The following LPGAT1 variants were observed in gnomAD, a reference collection of about 807,000 sequenced individuals.
LPGAT1 encodes the protein lysophosphatidylglycerol acyltransferase 1.
LPGAT1 carries 11 observed loss-of-function variants against 47.5 expected under a neutral mutation model. That is an observed-to-expected ratio of 0.23 (90% CI 0.15 to 0.38). LPGAT1 has a LOEUF of 0.38. Among genes scored for constraint, LPGAT1 ranks in the 10% least tolerant of loss-of-function variants. The pLI is 1.00. For synonymous variants in LPGAT1, 138 were observed against 144.2 expected, an observed-to-expected ratio of 0.96 and a Z score of 0.31; for missense variants, 293 against 439.0, an observed-to-expected ratio of 0.67 and a Z score of 2.97.
chr1:211,807,634 T>C (rs1191992646), intron 2 of LPGAT1, among the ~76,000 whole-genome samples: 1 of 152,104 alleles, frequency 6.6e-6, no homozygotes, highest in Non-Finnish European at 1.5e-5. Flanking sequence ...TTGACAAAGA[T>C]GTAAAGTCAC....
At chr1:211,756,522 C>T (rs1042357939) in intron 6 of LPGAT1, among the ~76,000 whole-genome samples, 49 of 152,122 alleles carry the variant, frequency 3.2e-4, no homozygotes, top group South Asian at 6.2e-4. Context: ...TTTGTAGAGA[C>T]GGGGTTTCCC....
At chr1:211,829,502 G>C in intron 1 of LPGAT1, 179 bp from the exon 2 acceptor site, 1 of 1,428,930 alleles carries the variant, frequency 7.0e-7, no homozygotes, top group Non-Finnish European at 9.1e-7. Flanking sequence ...CGAGGGAGGA[G>C]GAGCCGCACA....
intron 2 of LPGAT1, among the ~76,000 whole-genome samples, chr1:211,811,899 G>A (rs1660004121): frequency 1.3e-5 from 2 of 152,236 alleles, no homozygotes; most frequent in South Asian, 2.1e-4. Context: ...TGGAGGATAA[G>A]AGCATTCATG....
Position 211,774,132 on chromosome 1 carries a change from CTTTTT to C in LPGAT1, c.854+4781_854+4785del, listed in dbSNP as rs67342051. The stretch of plus-strand genomic sequence containing the variant: ...AAAGTGCTTTGTGTTTTTTAAAAGT[CTTTTT>C]TTTTTTTTTTTTTTTGAGACAGAGT... On this transcript the variant is annotated intron_variant, in intron 6 of 7. Coordinates refer to ENST00000366997, the MANE Select transcript of LPGAT1 (RefSeq NM_014873.3). Among the ~76,000 whole-genome samples the C allele has an allele frequency of 5.7e-4, 38 of 66,820 alleles. 1 individual carries two copies. Among genetic ancestry groups the C allele is most frequent in the Admixed American group, 1.6e-3 (6 of 3,734 alleles). The allele number at this position is 66,820 out of a possible 152,430, so 43.8% of individuals were successfully genotyped here. A position where few individuals can be genotyped will look rare whatever the true frequency, so the allele number is the denominator to read the frequency against.
intron 2 of LPGAT1, among the ~76,000 whole-genome samples, chr1:211,828,288 A>G (rs981274761): frequency 2.2e-4 from 33 of 152,222 alleles, no homozygotes; most frequent in Non-Finnish European, 7.3e-5. Flanking sequence ...AATCAAATAA[A>G]TACAATAAAC....
chr1:211,766,291 A>G (rs1657910463), intron 6 of LPGAT1, among the ~76,000 whole-genome samples: 1 of 152,144 alleles, frequency 6.6e-6, no homozygotes, highest in African/African-American at 2.4e-5. Context: ...CAGACAGCAG[A>G]CTGTGGGACT....
intron 2 of LPGAT1, among the ~76,000 whole-genome samples, chr1:211,820,514 G>C (rs1429966063): frequency 6.7e-6 from 1 of 149,264 alleles, no homozygotes; most frequent in Non-Finnish European, 1.5e-5. Context: ...ACAGGAATAG[G>C]GAAGCATGAA....
At chr1:211,794,596 G>A (rs918789133) in intron 2 of LPGAT1, among the ~76,000 whole-genome samples, 2 of 152,156 alleles carry the variant, frequency 1.3e-5, no homozygotes, top group African/African-American at 4.8e-5. Flanking sequence ...ATGAGCCACT[G>A]CACTCGGCCA....
At chr1:211,809,771 T>G (rs967885441) in intron 2 of LPGAT1, among the ~76,000 whole-genome samples, 1 of 152,234 alleles carries the variant, frequency 6.6e-6, no homozygotes, top group African/African-American at 2.4e-5. Context: ...CCCAGCCATG[T>G]GGAACTGTGA....
At position 211,830,241 on chromosome 1, in the gene LPGAT1, G is replaced by A; in HGVS notation, c.-28+332C>T. The A allele has an allele frequency of 2.0e-6, 2 of 988,264 alleles. No homozygotes were observed. The highest frequency in any genetic ancestry group is 4.7e-5 in the South Asian group (1 of 21,396). 61.2% of individuals were successfully genotyped at this position (988,264 alleles called of 1,614,324 possible). A position where few individuals can be genotyped will look rare whatever the true frequency, so the allele number is the denominator to read the frequency against. On this transcript the variant is annotated intron_variant, in intron 1 of 7. Transcript: ENST00000366997. This position sits in a 1 kb window ranked among gnomAD's most constrained non-coding sequence, Gnocchi z 5.9. ...AGCGGGGGCGGGTGTCCCCCGCCGA[G>A]GGGTCGCGGTCATGGACGCGGTGGC...
intron 2 of LPGAT1, among the ~76,000 whole-genome samples, chr1:211,810,090 G>A (rs758741094): frequency 2.2e-4 from 33 of 152,118 alleles, no homozygotes; most frequent in African/African-American, 6.7e-4. Flanking sequence ...CAGAAGAAAC[G>A]TAACTCTATG....
chr1:211,771,129 T>C (rs887082148), intron 6 of LPGAT1, among the ~76,000 whole-genome samples: 3 of 150,134 alleles, frequency 2.0e-5, no homozygotes, highest in Non-Finnish European at 4.4e-5. Flanking sequence ...TTTTATACGG[T>C]ATTTTTACTG....
intron 2 of LPGAT1, among the ~76,000 whole-genome samples, chr1:211,813,827 G>A (rs1660081986): frequency 6.6e-6 from 1 of 152,162 alleles, no homozygotes. Context: ...AACCTCTGCA[G>A]TAAGGTACAT....
At chr1:211,793,818 A>T (rs1659240090) in intron 2 of LPGAT1, among the ~76,000 whole-genome samples, 1 of 152,246 alleles carries the variant, frequency 6.6e-6, no homozygotes, top group Admixed American at 6.5e-5. Flanking sequence ...ATATGTATAA[A>T]GAATGTTTAT....
At chr1:211,828,686 A>G (rs1660620025) in intron 2 of LPGAT1, among the ~76,000 whole-genome samples, 1 of 152,190 alleles carries the variant, frequency 6.6e-6, no homozygotes, top group Non-Finnish European at 1.5e-5. Flanking sequence ...TTCTTTTTCT[A>G]AATTTCCAAT....
intron 4 of LPGAT1, among the ~76,000 whole-genome samples, chr1:211,786,544 T>G (rs1478576164): frequency 6.6e-6 from 1 of 152,228 alleles, no homozygotes; most frequent in Non-Finnish European, 1.5e-5. Context: ...GAAAATAATG[T>G]AGTGCTGATA....
chr1:211,797,532 C>A (rs1302069150), intron 2 of LPGAT1, among the ~76,000 whole-genome samples: 5 of 151,970 alleles, frequency 3.3e-5, no homozygotes, highest in African/African-American at 9.7e-5. Flanking sequence ...ATATGGTATT[C>A]TTCTTTTAGA....
At chr1:211,802,296 G>A (rs1473501377) in intron 2 of LPGAT1, among the ~76,000 whole-genome samples, 1 of 151,882 alleles carries the variant, frequency 6.6e-6, no homozygotes, top group Non-Finnish European at 1.5e-5. Context: ...CGATAGCTAC[G>A]AAACCTGAGG....
chr1:211,777,503 A>G (rs896415446), intron 6 of LPGAT1, among the ~76,000 whole-genome samples: 15 of 152,236 alleles, frequency 9.9e-5, no homozygotes, highest in African/African-American at 3.4e-4. Context: ...CATGAAGCCT[A>G]TGCTTCATAC....
Sources: gnomAD v4.1 joint callset for allele counts (sites outside exome capture counted in the v4.1 genomes callset) on GRCh38, gnomAD v4.1.1 for gene constraint, Gnocchi (gnomAD v3.1) non-coding constraint, MANE v1.5 for transcripts, NCBI Gene and HGNC (gene_info 2026-07-23, HGNC 2026-07-21) for gene names.